The following CALCOCO1 variants were observed in gnomAD, a reference collection of about 807,000 sequenced individuals.
CALCOCO1 encodes calcium binding and coiled-coil domain 1, also known as calcium-binding and coiled-coil domain-containing protein 1.
A neutral mutation model predicts 86.3 loss-of-function variants in CALCOCO1; 44 were observed. The observed-to-expected ratio is 0.51, with a 90% CI of 0.40 to 0.66. The LOEUF (loss-of-function observed/expected upper bound fraction) is 0.66. Among genes scored for constraint, CALCOCO1 ranks in the 30% least tolerant of loss-of-function variants. The probability of loss-of-function intolerance (pLI) is 0.00; values close to 1 mark genes in which losing one functional copy is unlikely to be tolerated. For missense variants in CALCOCO1, 708 were observed against 851.1 expected, an observed-to-expected ratio of 0.83 and a Z score of 2.09; for synonymous variants, 297 against 327.6, an observed-to-expected ratio of 0.91 and a Z score of 1.01.
At chr12:53,716,537 TCAGCTATTGC>T in intron 7 of CALCOCO1, 122 bp from the exon 8 acceptor site, 2 of 992,382 alleles carry the variant, frequency 2.0e-6, no homozygotes, top group Non-Finnish European at 3.0e-6. Flanking sequence ...ACTCAAGCCT[TCAGCTATTGC>T]CAGCCCTTCT....
chr12:53,711,895 AGT>A lies in CALCOCO1; in HGVS notation c.*47_*48del, dbSNP rs762162155. ...AAACCTAAGTGTATGCATGTGTGTGAGTGTGTGTGTGCATGAGTGTGTATTTG... is the reference window on the plus strand; with the variant it reads ...AAACCTAAGTGTATGCATGTGTGTGAGTGTGTGTGCATGAGTGTGTATTTG... On this transcript the variant is annotated 3_prime_UTR_variant, in exon 15 of 15. Transcript: ENST00000550804. 5.1e-5 allele frequency: 73 copies of A among 1,424,232 alleles called. No individual in the cohort carries two copies. Among genetic ancestry groups the A allele is most frequent in the East Asian group, 7.4e-5 (3 of 40,312 alleles). 88.2% of individuals were successfully genotyped at this position (1,424,232 alleles called of 1,614,324 possible). A position where few individuals can be genotyped will look rare whatever the true frequency, so the allele number is the denominator to read the frequency against.
At chr12:53,716,543 A>C in intron 7 of CALCOCO1, 128 bp from the exon 8 acceptor site, 1 of 932,136 alleles carries the variant, frequency 1.1e-6, no homozygotes, top group Non-Finnish European at 1.6e-6. Flanking sequence ...GCCTTCAGCT[A>C]TTGCCAGCCC....
At chr12:53,724,965 G>C (rs1157885252) in intron 2 of CALCOCO1, 122 bp downstream of exon 2, 1 of 1,187,214 alleles carries the variant, frequency 8.4e-7, no homozygotes, top group Admixed American at 2.4e-5. Context: ...TCTGTCATCT[G>C]TGACATCTTT....
intron 4 of CALCOCO1, 24 bp from the exon 5 acceptor site, chr12:53,722,207 G>A (rs760854533): frequency 5.7e-5 from 92 of 1,610,082 alleles, no homozygotes; most frequent in Non-Finnish European, 7.3e-5. Context: ...AAGGAGAAGG[G>A]GAGTGTGCTG....
chr12:53,712,090 T>TG lies in CALCOCO1; in HGVS notation c.1929dup (p.Ser644GlnfsTer17). On this transcript the variant is annotated frameshift_variant, in exon 15 of 15. Coordinates refer to ENST00000550804, the MANE Select transcript of CALCOCO1 (RefSeq NM_020898.3). LOFTEE classifies it high-confidence loss of function. ...GTGGGGGTGGCAGGGCCCCCAGTGC[T>TG]GGTTTCTGACAGGGTACCCACTGTA... 1 of 1,609,210 alleles carries TG rather than the reference T, an allele frequency of 6.2e-7. No individual in the cohort carries two copies. Among genetic ancestry groups the TG allele is most frequent in the South Asian group, 1.1e-5 (1 of 90,210 alleles).
intron 7 of CALCOCO1, among the ~76,000 whole-genome samples, chr12:53,718,989 A>C (rs1268189114): frequency 2.0e-5 from 3 of 151,336 alleles, no homozygotes; most frequent in Non-Finnish European, 4.4e-5. Context: ...CTGGGATTAC[A>C]GGCACCTGAC....
Position 53,722,112 on chromosome 12 carries a change from C to T in CALCOCO1, c.522G>A (p.Val174=). 2 of 1,613,974 alleles carry T rather than the reference C, an allele frequency of 1.2e-6. No homozygotes were observed. The highest frequency in any genetic ancestry group is 1.7e-6 in the Non-Finnish European group (2 of 1,180,036). ...MQLKLQLEGQ[V]TELRSRVQEL... ...CCTGCACTCGGCTCCTCAGCTCTGT[C>T]ACCTGTCCCTCCAGCTGTAGCTTCA... is the stretch of plus-strand genomic sequence containing the variant. Residue 174 remains valine, a synonymous_variant, in exon 5 of 15, where the codon GTG becomes GTA. Coordinates refer to ENST00000550804, the MANE Select transcript of CALCOCO1 (RefSeq NM_020898.3).
Position 53,714,654 on chromosome 12 carries a change from G to A in CALCOCO1, c.1426C>T (p.Arg476Trp), listed in dbSNP as rs367715202. 8.1e-6 allele frequency: 13 copies of A among 1,613,852 alleles called. No individual in the cohort carries two copies. The highest frequency in any genetic ancestry group is 5.3e-5 in the African/African-American group (4 of 74,898). The change falls in exon 11 of 15, where the codon CGG becomes TGG. Residue 476 changes from arginine (R) to tryptophan (W), a missense_variant. Coordinates refer to ENST00000550804, the MANE Select transcript of CALCOCO1 (RefSeq NM_020898.3). ...TTCTGGAGCACACGCAGGGCTGACCGCAGCTCTGTCAGCTCCCGCTTACTT... is the reference window on the plus strand; with the variant it reads ...TTCTGGAGCACACGCAGGGCTGACCACAGCTCTGTCAGCTCCCGCTTACTT... ...SESKRELTEL[R>W]SALRVLQKEK...
At position 53,711,562 on chromosome 12, in the gene CALCOCO1, C is replaced by T; in HGVS notation, c.*382G>A. ...GAGGGTAGGGTGCCCCAGGAATTGGCTTTGGGGCATCAGACAAGGGAGTGT... is the reference window on the plus strand; with the variant it reads ...GAGGGTAGGGTGCCCCAGGAATTGGTTTTGGGGCATCAGACAAGGGAGTGT... On this transcript the variant is annotated 3_prime_UTR_variant, in exon 15 of 15. Coordinates refer to ENST00000550804, the MANE Select transcript of CALCOCO1 (RefSeq NM_020898.3). 3.4e-6 allele frequency: 1 copy of T among 293,402 alleles called. No individual in the cohort carries two copies. The highest frequency in any genetic ancestry group is 6.2e-6 in the Non-Finnish European group (1 of 160,236). The allele number at this position is 293,402 out of a possible 1,614,324, so 18.2% of individuals were successfully genotyped here. A position where few individuals can be genotyped will look rare whatever the true frequency, so the allele number is the denominator to read the frequency against.
Position 53,710,031 on chromosome 12 carries a change from T to C in CALCOCO1, c.*1913A>G, listed in dbSNP as rs1945518355. ...AGAGGGGGGAAGGTAAAAGGAGGGA[T>C]GGGGGGAATCCCAGGCGGGTGATGG... On this transcript the variant is annotated 3_prime_UTR_variant, in exon 15 of 15. Transcript: ENST00000550804. 1 of 151,806 alleles carries C rather than the reference T, an allele frequency of 6.6e-6. No individual in the cohort carries two copies. The highest frequency in any genetic ancestry group is 2.4e-5 in the African/African-American group (1 of 41,306). 9.4% of individuals were successfully genotyped at this position (151,806 alleles called of 1,614,324 possible). A position where few individuals can be genotyped will look rare whatever the true frequency, so the allele number is the denominator to read the frequency against.
intron 7 of CALCOCO1, among the ~76,000 whole-genome samples, chr12:53,718,267 C>T (rs760651870): frequency 6.6e-6 from 1 of 152,104 alleles, no homozygotes; most frequent in Non-Finnish European, 1.5e-5. Context: ...AAATAAAATA[C>T]GGAAATACAT....
chr12:53,715,126 C>T (rs1255747622), intron 10 of CALCOCO1, 74 bp downstream of exon 10: 2 of 1,556,774 alleles, frequency 1.3e-6, no homozygotes, highest in Non-Finnish European at 1.7e-6. Flanking sequence ...TGAGCCCATA[C>T]CCAAGACAGA....
At chr12:53,718,574 G>A (rs985066602) in intron 7 of CALCOCO1, among the ~76,000 whole-genome samples, 3 of 152,126 alleles carry the variant, frequency 2.0e-5, no homozygotes, top group Non-Finnish European at 4.4e-5. Context: ...TGTCACCCAG[G>A]CTGAAGTTCA....
rs1223729714 is a variant in CALCOCO1, at chr12:53,712,019, A to G, written c.2001T>C (p.Ser667=). ...PICKERFPAE[S]DKDALEDHMD... Reference sequence around the variant, plus strand: ...TGTGGTCCTCCAGGGCATCCTTGTCACTCTCAGCAGGAAAGCGCTCCTTAC... The same window carrying G: ...TGTGGTCCTCCAGGGCATCCTTGTCGCTCTCAGCAGGAAAGCGCTCCTTAC... The change falls in exon 15 of 15, where the codon AGT becomes AGC. Residue 667 remains serine, a synonymous_variant. Coordinates refer to ENST00000550804, the MANE Select transcript of CALCOCO1 (RefSeq NM_020898.3). 6.2e-6 allele frequency: 10 copies of G among 1,610,772 alleles called. No homozygotes were observed. Among genetic ancestry groups the G allele is most frequent in the Non-Finnish European group, 7.6e-6 (9 of 1,178,698 alleles).
At position 53,713,125 on chromosome 12, in the gene CALCOCO1, C is replaced by G. The variant is rs746598170; in HGVS notation, c.1873G>C (p.Gly625Arg). The G allele has an allele frequency of 5.6e-6, 9 of 1,613,972 alleles. No homozygotes were observed. In the Admixed American group the frequency reaches 1.3e-4, roughly 24 times the overall value. ...CTGGCCATGTCATAGAAGGCACTGC[C>G]CAGTTCAGGAAGCAGTAAGTTGGCC... is the stretch of plus-strand genomic sequence containing the variant. ...EEANLLLPEL[G>R]SAFYDMASGF... The change falls in exon 14 of 15, where the codon GGC becomes CGC. Residue 625 changes from glycine (G) to arginine (R), a missense_variant. Physicochemically the swap from Gly to Arg is moderately radical, Grantham distance 125. Transcript: ENST00000550804.
intron 6 of CALCOCO1, among the ~76,000 whole-genome samples, chr12:53,720,399 C>G (rs1945836812): frequency 6.6e-6 from 1 of 152,208 alleles, no homozygotes; most frequent in South Asian, 2.1e-4. Context: ...TTAATTTGTT[C>G]TTAACCATTA....
In CALCOCO1 at chr12:53,709,601, G is replaced by C. The variant is rs1010842499; in HGVS notation, c.*2343C>G. ...GAAGCAGAACAGGGCTGGAGAGAAA[G>C]GAAGGAGGTGAGAAGGACCCATGTG... On this transcript the variant is annotated 3_prime_UTR_variant, in exon 15 of 15. Transcript: ENST00000550804. 2 of 152,468 alleles carry C rather than the reference G, an allele frequency of 1.3e-5. No individual in the cohort carries two copies. Among genetic ancestry groups the C allele is most frequent in the African/African-American group, 4.8e-5 (2 of 41,436 alleles). The allele number at this position is 152,468 out of a possible 1,614,324, so 9.4% of individuals were successfully genotyped here. A position where few individuals can be genotyped will look rare whatever the true frequency, so the allele number is the denominator to read the frequency against.
chr12:53,711,533 A>C lies in CALCOCO1; in HGVS notation c.*411T>G. On this transcript the variant is annotated 3_prime_UTR_variant, in exon 15 of 15. Transcript: ENST00000550804. The stretch of plus-strand genomic sequence containing the variant: ...AGGTAAACCAACGGAAACTCCAAAT[A>C]AGAGAGGGTAGGGTGCCCCAGGAAT... 1 of 303,732 alleles carries C rather than the reference A, an allele frequency of 3.3e-6. No individual in the cohort carries two copies. Among genetic ancestry groups the C allele is most frequent in the Non-Finnish European group, 6.0e-6 (1 of 167,092 alleles). The allele number at this position is 303,732 out of a possible 1,614,324, so 18.8% of individuals were successfully genotyped here.
Position 53,713,912 on chromosome 12 carries a change from G to A in CALCOCO1, c.1592-12C>T, listed in dbSNP as rs370195763. On this transcript the variant is annotated splice_polypyrimidine_tract_variant and intron_variant, in intron 12 of 14. Coordinates refer to ENST00000550804, the MANE Select transcript of CALCOCO1 (RefSeq NM_020898.3). ...AGCTGCCGGGCAGCCTGTAGGAGAT[G>A]AAGCAGGCAGAGAAGAAAAAAGGAT... is the stretch of plus-strand genomic sequence containing the variant. 1.3e-6 allele frequency: 2 copies of A among 1,524,904 alleles called. No homozygotes were observed. Among genetic ancestry groups the A allele is most frequent in the Non-Finnish European group, 1.8e-6 (2 of 1,136,324 alleles). The allele number at this position is 1,524,904 out of a possible 1,614,324, so 94.5% of individuals were successfully genotyped here. A position where few individuals can be genotyped will look rare whatever the true frequency, so the allele number is the denominator to read the frequency against.
Sources: allele counts gnomAD v4.1 joint callset (sites outside exome capture counted in the v4.1 genomes callset), GRCh38; gene constraint gnomAD v4.1.1; transcripts MANE v1.5; gene names NCBI Gene and HGNC (gene_info 2026-07-23, HGNC 2026-07-21).